GPR39: variants seen among roughly 807,000 people sequenced by gnomAD.
GPR39 encodes the protein zinc sensing receptor.
In GPR39, 23 loss-of-function variants were observed where a neutral mutation model predicts 18.4. The observed-to-expected ratio is 1.25, with a 90% CI of 0.90 to 1.77. The LOEUF (loss-of-function observed/expected upper bound fraction) is 1.77. GPR39 is among the 40% of genes most tolerant of loss of function. The probability of loss-of-function intolerance (pLI) is 0.00; values close to 1 mark genes in which losing one functional copy is unlikely to be tolerated. For missense variants in GPR39, 647 were observed against 602.4 expected, an observed-to-expected ratio of 1.07 and a Z score of -0.78; for synonymous variants, 280 against 257.9, an observed-to-expected ratio of 1.09 and a Z score of -0.82.
chr2:132,451,501 A>C (rs1192171765), intron 1 of GPR39, among the ~76,000 whole-genome samples: 1 of 152,126 alleles, frequency 6.6e-6, no homozygotes, highest in African/African-American at 2.4e-5. Context: ...GGATAGGTAA[A>C]TGTCTTTGGT....
chr2:132,467,567 G>A (rs1573616361), intron 1 of GPR39, among the ~76,000 whole-genome samples: 1 of 152,020 alleles, frequency 6.6e-6, no homozygotes, highest in South Asian at 2.1e-4. Context: ...TAAAATAAAA[G>A]TTGAAAAAAG....
In GPR39 at chr2:132,417,731, TC is replaced by T. The variant is rs1558792762; in HGVS notation, c.690del (p.Tyr231ThrfsTer8). On this transcript the variant is annotated frameshift_variant, in exon 1 of 2. Transcript: ENST00000329321. LOFTEE classifies it high-confidence loss of function. ...FQSSIFGAFV[V>X]YLVVLLSVAF... ...TCCAGCATCTTCGGCGCCTTCGTGG[TC>T]TACCTCGTGGTCCTGCTCTCCGTAG... The T allele has an allele frequency of 1.2e-6, 2 of 1,614,056 alleles. No individual in the cohort carries two copies. The highest frequency in any genetic ancestry group is 4.5e-5 in the East Asian group (2 of 44,858).
chr2:132,424,139 A>T (rs1438375573), intron 1 of GPR39, among the ~76,000 whole-genome samples: 1 of 152,186 alleles, frequency 6.6e-6, no homozygotes, highest in East Asian at 1.9e-4. Context: ...GTTAGCTTTA[A>T]CCATGTATAT....
At chr2:132,584,236 G>T (rs1310546931) in intron 1 of GPR39, among the ~76,000 whole-genome samples, 1 of 152,156 alleles carries the variant, frequency 6.6e-6, no homozygotes, top group African/African-American at 2.4e-5. Flanking sequence ...TCTGGGGGCA[G>T]AGTGCTGCAA....
intron 1 of GPR39, among the ~76,000 whole-genome samples, chr2:132,538,344 T>C (rs1679796763): frequency 6.6e-6 from 1 of 152,220 alleles, no homozygotes; most frequent in African/African-American, 2.4e-5. Flanking sequence ...GGGTATCCTC[T>C]CCAGACCCTG....
At chr2:132,450,567 C>T (rs1245383112) in intron 1 of GPR39, among the ~76,000 whole-genome samples, 6 of 152,234 alleles carry the variant, frequency 3.9e-5, no homozygotes, top group Admixed American at 3.3e-4. Context: ...ACAGGGCAGC[C>T]TCTCTATAGC....
At chr2:132,524,217 G>A (rs10183993) in intron 1 of GPR39, among the ~76,000 whole-genome samples, 4 of 152,366 alleles carry the variant, frequency 2.6e-5, no homozygotes, top group African/African-American at 9.6e-5. Flanking sequence ...AAGAGGGAAC[G>A]AAGAGGGTCT....
At chr2:132,488,627 G>A (rs936842232) in intron 1 of GPR39, 1 of 152,440 alleles carries the variant, frequency 6.6e-6, no homozygotes, top group Non-Finnish European at 1.5e-5. Flanking sequence ...TGTCGTTTGG[G>A]GTGTTCTGAG....
At chr2:132,550,554 G>C (rs533327110) in intron 1 of GPR39, among the ~76,000 whole-genome samples, 3 of 152,340 alleles carry the variant, frequency 2.0e-5, no homozygotes, top group Non-Finnish European at 2.9e-5. Flanking sequence ...GCTTTAGAAT[G>C]TCAACTGTAG....
rs556049746 is a variant in GPR39, at chr2:132,626,048, C to G, written c.857-19053C>G. ...CTGGGTGGCGGAGGTTGCAGTGAGC[C>G]GAGACCGCACCACTGCACTCCAGCC... is the stretch of plus-strand genomic sequence containing the variant. On this transcript the variant is annotated intron_variant, in intron 1 of 1. Transcript: ENST00000329321. 3.0e-4 allele frequency among the ~76,000 whole-genome samples: 46 copies of G among 151,050 alleles called. 1 individual carries two copies. In the South Asian group the frequency reaches 9.2e-3, roughly 30 times the overall value.
intron 1 of GPR39, among the ~76,000 whole-genome samples, chr2:132,559,874 G>GATGCC (rs1680218189): frequency 6.6e-6 from 1 of 152,112 alleles, no homozygotes; most frequent in African/African-American, 2.4e-5. Flanking sequence ...GTTCCTGGGT[G>GATGCC]ATGCCATGCT....
intron 1 of GPR39, among the ~76,000 whole-genome samples, chr2:132,456,097 T>TTAA (rs1377335664): frequency 6.6e-6 from 1 of 152,108 alleles, no homozygotes; most frequent in Non-Finnish European, 1.5e-5. Flanking sequence ...TCTCCAATTA[T>TTAA]TGTATGGGAG....
chr2:132,582,445 G>C (rs1403970283), intron 1 of GPR39, among the ~76,000 whole-genome samples: 1 of 152,248 alleles, frequency 6.6e-6, no homozygotes, highest in Non-Finnish European at 1.5e-5. Context: ...CCTGCTCTCA[G>C]TGGCTGGGAG....
chr2:132,502,172 C>A (rs953664493), intron 1 of GPR39, among the ~76,000 whole-genome samples: 2 of 152,068 alleles, frequency 1.3e-5, no homozygotes, highest in African/African-American at 2.4e-5. Context: ...TATATAGGTC[C>A]TGTGAGAATT....
rs147915058 is a variant in GPR39, at chr2:132,509,674, C to A, written c.856+91776C>A. Among the ~76,000 whole-genome samples the A allele has an allele frequency of 8.5e-4, 130 of 152,280 alleles. 2 individuals carry two copies. The highest frequency in any genetic ancestry group is 2.6e-3 in the African/African-American group (110 of 41,564). ...ACTCATCTGTGAGTAGGTATAATGACCCCTGCCTCACAGAACTGGCTATTA... is the reference window on the plus strand; with the variant it reads ...ACTCATCTGTGAGTAGGTATAATGAACCCTGCCTCACAGAACTGGCTATTA... On this transcript the variant is annotated intron_variant, in intron 1 of 1. Transcript: ENST00000329321.
At chr2:132,566,219 A>G (rs1175361580) in intron 1 of GPR39, among the ~76,000 whole-genome samples, 18 of 147,226 alleles carry the variant, frequency 1.2e-4, no homozygotes, top group African/African-American at 4.6e-4. Flanking sequence ...GTGTCTGTTC[A>G]TGTCCTTCAC....
At position 132,492,973 on chromosome 2, in the gene GPR39, A is replaced by C. The variant is rs531843779; in HGVS notation, c.856+75075A>C. 8.9e-3 allele frequency among the ~76,000 whole-genome samples: 1,283 copies of C among 143,892 alleles called. 29 individuals are homozygous for C. The highest frequency in any genetic ancestry group is 0.031 in the African/African-American group (1,219 of 39,158). The allele number at this position is 143,892 out of a possible 152,430, so 94.4% of individuals were successfully genotyped here. On this transcript the variant is annotated intron_variant, in intron 1 of 1. Transcript: ENST00000329321. ...TATACACCATATATATACACCATAT[A>C]TACACCATATATACACCATAGATAT...
chr2:132,567,587 G>T (rs1483506444), intron 1 of GPR39, among the ~76,000 whole-genome samples: 1 of 152,248 alleles, frequency 6.6e-6, no homozygotes, highest in Non-Finnish European at 1.5e-5. Context: ...TGGTAAGAAA[G>T]AAATTTCTTT....
chr2:132,565,724 A>G (rs1275228876), intron 1 of GPR39, among the ~76,000 whole-genome samples: 1 of 145,924 alleles, frequency 6.9e-6, no homozygotes, highest in African/African-American at 2.5e-5. Context: ...TACAAAGGAC[A>G]TGAACTCATC....
Sources: allele counts gnomAD v4.1 joint callset (sites outside exome capture counted in the v4.1 genomes callset), GRCh38; gene constraint gnomAD v4.1.1; transcripts MANE v1.5; gene names NCBI Gene and HGNC (gene_info 2026-07-23, HGNC 2026-07-21).